Variants in ZNF804A observed in about 807,000 individuals in gnomAD.
ZNF804A encodes the protein zinc finger protein 804A.
Under a neutral mutation model 16.5 loss-of-function variants are expected in ZNF804A, and 2 were observed. The ratio of observed to expected loss-of-function variants is 0.12; its 90% CI spans 0.05 to 0.38. The LOEUF is 0.38. ZNF804A is among the 10% of genes least tolerant of loss of function. The pLI is 0.99. For synonymous variants in ZNF804A, 534 were observed against 489.6 expected, an observed-to-expected ratio of 1.09 and a Z score of -1.20; for missense variants, 1,473 against 1,390.7, an observed-to-expected ratio of 1.06 and a Z score of -0.94.
chr2:184,801,594 A>AGAT (rs1363979596), intron 1 of ZNF804A, among the ~76,000 whole-genome samples: 2 of 152,192 alleles, frequency 1.3e-5, no homozygotes, highest in African/African-American at 4.8e-5. Context: ...CTCTCCAAAG[A>AGAT]CATTCTTCAT....
At chr2:184,842,422 T>C (rs1047277831) in intron 1 of ZNF804A, among the ~76,000 whole-genome samples, 1 of 152,136 alleles carries the variant, frequency 6.6e-6, no homozygotes, top group Non-Finnish European at 1.5e-5. Context: ...TGAGAAAATA[T>C]TTTCTAAAAA....
chr2:184,827,743 T>G (rs1396164460), intron 1 of ZNF804A, among the ~76,000 whole-genome samples: 1 of 151,490 alleles, frequency 6.6e-6, no homozygotes, highest in Non-Finnish European at 1.5e-5. Context: ...GCTGAATTAG[T>G]AATTTATTCT....
Position 184,936,567 on chromosome 2 carries a change from G to A in ZNF804A, c.1171G>A (p.Glu391Lys), listed in dbSNP as rs866891873. ...KHNEASTTEVENKNGPETLAP... is the reference protein window; with the variant it reads ...KHNEASTTEVKNKNGPETLAP... The stretch of plus-strand genomic sequence containing the variant: ...TAACGAGGCATCCACAACTGAGGTT[G>A]AAAATAAAAATGGTCCCGAGACATT... Residue 391 changes from glutamate (E) to lysine (K), a missense_variant, in exon 4 of 4, where the codon GAA becomes AAA. Physicochemically the swap from Glu to Lys is moderately conservative, Grantham distance 56. Coordinates refer to ENST00000302277, the MANE Select transcript of ZNF804A (RefSeq NM_194250.2). 1 of 1,613,984 alleles carries A rather than the reference G, an allele frequency of 6.2e-7. No individual in the cohort carries two copies. The highest frequency in any genetic ancestry group is 8.5e-7 in the Non-Finnish European group (1 of 1,179,962).
At chr2:184,620,331 A>T (rs1691397639) in intron 1 of ZNF804A, among the ~76,000 whole-genome samples, 1 of 151,756 alleles carries the variant, frequency 6.6e-6, no homozygotes, top group African/African-American at 2.4e-5. Flanking sequence ...ATTTTCTGCT[A>T]AAAAAATTGC....
intron 1 of ZNF804A, among the ~76,000 whole-genome samples, chr2:184,750,644 T>C (rs936056319): frequency 1.3e-5 from 2 of 151,348 alleles, no homozygotes; most frequent in Non-Finnish European, 3.0e-5. Context: ...CTCCAAAAGT[T>C]TTCTCCCATC....
intron 1 of ZNF804A, among the ~76,000 whole-genome samples, chr2:184,715,173 G>C (rs1272323492): frequency 1.3e-5 from 2 of 152,048 alleles, no homozygotes; most frequent in African/African-American, 4.8e-5. Context: ...AAATAGCTTG[G>C]GGACTAACTG....
At chr2:184,741,770 T>G (rs1693711733) in intron 1 of ZNF804A, among the ~76,000 whole-genome samples, 1 of 152,142 alleles carries the variant, frequency 6.6e-6, no homozygotes, top group South Asian at 2.1e-4. Context: ...ACCCATTCTT[T>G]TAAATAGTTA....
intron 1 of ZNF804A, among the ~76,000 whole-genome samples, chr2:184,693,995 T>C (rs1692777495): frequency 6.6e-6 from 1 of 150,722 alleles, no homozygotes; most frequent in Non-Finnish European, 1.5e-5. Flanking sequence ...AGTGGCATGA[T>C]CTGGACTCAC....
At chr2:184,696,465 G>C (rs1692832576) in intron 1 of ZNF804A, among the ~76,000 whole-genome samples, 1 of 152,110 alleles carries the variant, frequency 6.6e-6, no homozygotes, top group Non-Finnish European at 1.5e-5. Context: ...GTCTGGGACT[G>C]CTTATATGGC....
At chr2:184,838,794 GA>G (rs528707271) in intron 1 of ZNF804A, among the ~76,000 whole-genome samples, 4 of 151,086 alleles carry the variant, frequency 2.6e-5, no homozygotes. Context: ...CTATACTATA[GA>G]AAAAAAAATT....
At chr2:184,671,685 T>C (rs1357541150) in intron 1 of ZNF804A, among the ~76,000 whole-genome samples, 2 of 152,188 alleles carry the variant, frequency 1.3e-5, no homozygotes, top group African/African-American at 4.8e-5. Context: ...TATTTTGATA[T>C]CCATATGCTG....
chr2:184,861,445 T>A (rs546410641), intron 1 of ZNF804A, among the ~76,000 whole-genome samples: 2 of 152,294 alleles, frequency 1.3e-5, no homozygotes, highest in Admixed American at 6.5e-5. Context: ...GGTGTCCTAT[T>A]TTCCATCATC....
At chr2:184,813,816 T>C (rs1394324599) in intron 1 of ZNF804A, among the ~76,000 whole-genome samples, 1 of 151,870 alleles carries the variant, frequency 6.6e-6, no homozygotes, top group African/African-American at 2.4e-5. Context: ...TCACCAAACA[T>C]ACCTTGTTCT....
chr2:184,629,799 C>A (rs985450717), intron 1 of ZNF804A, among the ~76,000 whole-genome samples: 8 of 152,028 alleles, frequency 5.3e-5, no homozygotes, highest in Non-Finnish European at 1.0e-4. Flanking sequence ...ACTAAATGTG[C>A]ATGTTCTAGT....
intron 2 of ZNF804A, among the ~76,000 whole-genome samples, chr2:184,924,074 C>A (rs1371573526): frequency 6.0e-5 from 9 of 151,060 alleles, no homozygotes; most frequent in Non-Finnish European, 1.2e-4. Context: ...GGTATCAGGG[C>A]AATACGGTCT....
intron 3 of ZNF804A, 63 bp from the exon 4 acceptor site, chr2:184,935,720 A>G: frequency 6.8e-7 from 1 of 1,481,118 alleles, no homozygotes; most frequent in Non-Finnish European, 9.0e-7. Flanking sequence ...AGATGAAAAT[A>G]TTTGACTATT....
At chr2:184,810,619 T>A (rs56341618) in intron 1 of ZNF804A, among the ~76,000 whole-genome samples, 20,206 of 151,160 alleles carry the variant, frequency 0.13, 1,790 homozygotes, top group South Asian at 0.2. Flanking sequence ...GCCTTCCGAG[T>A]AGCTGGGACT....
chr2:184,888,924 GTGTT>G (rs1276987958), intron 2 of ZNF804A, among the ~76,000 whole-genome samples: 2 of 151,666 alleles, frequency 1.3e-5, no homozygotes, highest in East Asian at 1.9e-4. Flanking sequence ...TTTATAAAAA[GTGTT>G]TGTGTGTATG....
chr2:184,920,257 G>A (rs897012463), intron 2 of ZNF804A, among the ~76,000 whole-genome samples: 1 of 152,140 alleles, frequency 6.6e-6, no homozygotes, highest in Non-Finnish European at 1.5e-5. Context: ...CAGTGTTGTG[G>A]TTCAGAGAAT....
Sources: allele counts gnomAD v4.1 joint callset (sites outside exome capture counted in the v4.1 genomes callset), GRCh38; gene constraint gnomAD v4.1.1; transcripts MANE v1.5; gene names NCBI Gene and HGNC (gene_info 2026-07-23, HGNC 2026-07-21).